NDST1: variants seen among roughly 807,000 people sequenced by gnomAD.
NDST1 encodes the protein N-deacetylase and N-sulfotransferase 1, also known as bifunctional heparan sulfate N-deacetylase/N-sulfotransferase 1.
A neutral mutation model predicts 92.8 loss-of-function variants in NDST1; 35 were observed. That is an observed-to-expected ratio of 0.38 (90% CI 0.29 to 0.50). NDST1 has a LOEUF of 0.50. NDST1 is among the 20% of genes least tolerant of loss of function. The pLI, the probability that NDST1 is intolerant of heterozygous loss-of-function variation, is 0.94. For synonymous variants in NDST1, 493 were observed against 500.3 expected, an observed-to-expected ratio of 0.99 and a Z score of 0.19; for missense variants, 822 against 1,182.7, an observed-to-expected ratio of 0.69 and a Z score of 4.47.
chr5:150,543,872 C>T (rs761617596), intron 10 of NDST1, among the ~76,000 whole-genome samples: 33 of 152,092 alleles, frequency 2.2e-4, no homozygotes, highest in Non-Finnish European at 4.0e-4. Flanking sequence ...CTCTGCTTCC[C>T]GGGTTCAAGT....
chr5:150,522,630 C>A (rs943030129), intron 2 of NDST1, among the ~76,000 whole-genome samples: 23 of 152,132 alleles, frequency 1.5e-4, no homozygotes, highest in Non-Finnish European at 1.8e-4. Flanking sequence ...TAGCGGTGAT[C>A]GAAGTGGACA....
At position 150,551,744 on chromosome 5, in the gene NDST1, C is replaced by T; in HGVS notation, c.2427-9C>T. On this transcript the variant is annotated splice_polypyrimidine_tract_variant and intron_variant, in intron 13 of 14. Coordinates refer to ENST00000261797, the MANE Select transcript of NDST1 (RefSeq NM_001543.5). The stretch of plus-strand genomic sequence containing the variant: ...CAGCTCCCATCCAAAGACTTTCCCA[C>T]CTCCACAGGTTTGATCCAAAGAAAG... The T allele has an allele frequency of 6.2e-7, 1 of 1,612,186 alleles. No individual in the cohort carries two copies. Among genetic ancestry groups the T allele is most frequent in the Non-Finnish European group, 8.5e-7 (1 of 1,178,642 alleles).
At chr5:150,512,993 A>G in intron 1 of NDST1, among the ~76,000 whole-genome samples, 1 of 152,180 alleles carries the variant, frequency 6.6e-6, no homozygotes, top group East Asian at 1.9e-4. Flanking sequence ...GCTTGAGACC[A>G]GGAGTTCAAG....
At chr5:150,539,198 C>A in intron 6 of NDST1, 30 bp from the exon 7 acceptor site, 2 of 1,581,026 alleles carry the variant, frequency 1.3e-6, no homozygotes, top group African/African-American at 1.3e-5. Flanking sequence ...CAGAAGGCAC[C>A]ATAGCTCCTC....
chr5:150,517,912 C>T (rs1357006435), intron 1 of NDST1, among the ~76,000 whole-genome samples: 1 of 152,256 alleles, frequency 6.6e-6, no homozygotes, highest in Non-Finnish European at 1.5e-5. Context: ...GGCATCCCCA[C>T]CTCCTATCCA....
intron 2 of NDST1, among the ~76,000 whole-genome samples, chr5:150,522,630 C>T (rs943030129): frequency 6.6e-6 from 1 of 152,250 alleles, no homozygotes. Flanking sequence ...TAGCGGTGAT[C>T]GAAGTGGACA....
intron 6 of NDST1, among the ~76,000 whole-genome samples, chr5:150,537,256 G>A (rs1022601791): frequency 2.0e-5 from 3 of 152,210 alleles, no homozygotes; most frequent in African/African-American, 7.2e-5. Flanking sequence ...CAGGATAACA[G>A]CGATGTTCAG....
intron 13 of NDST1, chr5:150,551,049 G>A (rs1014617900): frequency 1.9e-5 from 3 of 156,194 alleles, no homozygotes; most frequent in Admixed American, 1.2e-4. Context: ...GTTCTCCTTC[G>A]CTATTCATGG....
At chr5:150,537,417 A>G (rs1755042661) in intron 6 of NDST1, among the ~76,000 whole-genome samples, 1 of 152,220 alleles carries the variant, frequency 6.6e-6, no homozygotes, top group African/African-American at 2.4e-5. Context: ...CGTTCCCAAG[A>G]GGAGGTCTCT....
At chr5:150,505,937 T>C (rs1346195400), upstream of NDST1, among the ~76,000 whole-genome samples, 1 of 152,022 alleles carries the variant, frequency 6.6e-6, no homozygotes, top group Admixed American at 6.5e-5. Flanking sequence ...CGTGTCACCA[T>C]GCCTGGCTTC....
At chr5:150,511,413 C>G (rs1753715633) in intron 1 of NDST1, among the ~76,000 whole-genome samples, 1 of 152,160 alleles carries the variant, frequency 6.6e-6, no homozygotes, top group Non-Finnish European at 1.5e-5. Flanking sequence ...GGAGCTCAAT[C>G]AGGACTTTAG....
chr5:150,523,008 G>A (rs1754310186), intron 2 of NDST1, among the ~76,000 whole-genome samples: 1 of 152,234 alleles, frequency 6.6e-6, no homozygotes, highest in South Asian at 2.1e-4. Flanking sequence ...GTTTGTGCCA[G>A]GCCTTCCTGG....
intron 1 of NDST1, among the ~76,000 whole-genome samples, chr5:150,509,568 A>C (rs1284290187): frequency 6.6e-6 from 1 of 152,062 alleles, no homozygotes; most frequent in Non-Finnish European, 1.5e-5. Flanking sequence ...GCTAGAGTGC[A>C]ATGGCGCCAT....
rs1322575564 is a variant in NDST1, at chr5:150,539,277, A to G, written c.1487A>G (p.Asn496Ser). 6 of 1,613,990 alleles carry G rather than the reference A, an allele frequency of 3.7e-6. No individual in the cohort carries two copies. Among genetic ancestry groups the G allele is most frequent in the African/African-American group, 1.3e-5 (1 of 74,894 alleles). Residue 496 changes from asparagine (N) to serine (S), a missense_variant, in exon 7 of 15, where the codon AAC becomes AGC. Coordinates refer to ENST00000261797, the MANE Select transcript of NDST1 (RefSeq NM_001543.5). ...CGLFTHTIFY[N>S]EYPGGSSELD... ...CTCTTCACACACACCATCTTCTACA[A>G]CGAGTACCCTGGCGGCTCCAGTGAG...
chr5:150,523,583 G>T (rs778177769), intron 2 of NDST1, among the ~76,000 whole-genome samples: 5 of 152,194 alleles, frequency 3.3e-5, no homozygotes, highest in African/African-American at 1.2e-4. Flanking sequence ...GGCCCCAGAG[G>T]CCTTAGTCTT....
intron 1 of NDST1, among the ~76,000 whole-genome samples, chr5:150,515,934 A>G (rs1204959864): frequency 1.3e-5 from 2 of 151,990 alleles, no homozygotes. Flanking sequence ...AGTGGCTGGC[A>G]CTTTGCTACA....
At chr5:150,546,469 C>T (rs1041090097) in intron 11 of NDST1, among the ~76,000 whole-genome samples, 6 of 152,210 alleles carry the variant, frequency 3.9e-5, no homozygotes, top group Non-Finnish European at 7.3e-5. Flanking sequence ...TCAGAAGTGG[C>T]GCCCCAGCAG....
At chr5:150,518,645 G>A (rs111942255) in intron 1 of NDST1, among the ~76,000 whole-genome samples, 4 of 152,118 alleles carry the variant, frequency 2.6e-5, no homozygotes, top group African/African-American at 7.2e-5. Flanking sequence ...AATTATGACC[G>A]CACGTACAAA....
intron 14 of NDST1, 91 bp downstream of exon 14, chr5:150,551,946 A>G: frequency 1.3e-6 from 2 of 1,550,996 alleles, no homozygotes; most frequent in Admixed American, 1.9e-5. Flanking sequence ...TTTACCATGC[A>G]CTCAGCATGT....
Sources: gnomAD v4.1 joint callset for allele counts (sites outside exome capture counted in the v4.1 genomes callset) on GRCh38, gnomAD v4.1.1 for gene constraint, MANE v1.5 for transcripts, NCBI Gene and HGNC (gene_info 2026-07-23, HGNC 2026-07-21) for gene names.